Variants in SPTSSA observed in about 807,000 individuals in gnomAD.
The protein encoded by SPTSSA is small subunit of serine palmitoyltransferase A.
In SPTSSA, 8 loss-of-function variants were observed where a neutral mutation model predicts 9.1. That is an observed-to-expected ratio of 0.88 (90% confidence interval 0.51 to 1.58). The LOEUF (loss-of-function observed/expected upper bound fraction) is 1.58, where lower values mean the gene tolerates loss of function less well. Among genes scored for constraint, SPTSSA ranks in the 40% most tolerant of loss-of-function variants. The pLI is 0.00. For synonymous variants in SPTSSA, 42 were observed against 37.7 expected (o/e 1.11, Z -0.41); for missense variants, 100 against 93.8 (o/e 1.07, Z -0.27).
chr14:34,455,018 C>T (rs1000947633), intron 1 of SPTSSA, among the ~76,000 whole-genome samples: 4 of 151,324 alleles, frequency 2.6e-5, no homozygotes, highest in Non-Finnish European at 4.4e-5. Flanking sequence ...ACCCAGGAGG[C>T]GGAGGCTACA....
At chr14:34,440,795 C>T (rs1216150294) in intron 1 of SPTSSA, among the ~76,000 whole-genome samples, 1 of 152,004 alleles carries the variant, frequency 6.6e-6, no homozygotes, top group African/African-American at 2.4e-5. Context: ...GCAGGAGAAT[C>T]GCTTGAACCC....
At chr14:34,435,396 A>G (rs1031475226) in intron 1 of SPTSSA, 92 bp from the exon 2 acceptor site, 46 of 811,610 alleles carry the variant, frequency 5.7e-5, no homozygotes, top group Non-Finnish European at 8.4e-5. Flanking sequence ...TGAAGTACCC[A>G]TTCACTTAGT....
chr14:34,450,261 G>C (rs927961684), intron 1 of SPTSSA, among the ~76,000 whole-genome samples: 2 of 152,162 alleles, frequency 1.3e-5, no homozygotes, highest in African/African-American at 4.8e-5. Context: ...TTAATTTACA[G>C]TGTAATCCTG....
At chr14:34,447,135 A>C (rs1157043458) in intron 1 of SPTSSA, among the ~76,000 whole-genome samples, 1 of 151,078 alleles carries the variant, frequency 6.6e-6, no homozygotes, top group Non-Finnish European at 1.5e-5. Flanking sequence ...GAGGCAGGAG[A>C]ATCGCTTAAA....
chr14:34,435,622 TC>T (rs540888294), intron 1 of SPTSSA, among the ~76,000 whole-genome samples: 44 of 125,594 alleles, frequency 3.5e-4, no homozygotes, highest in Non-Finnish European at 7.0e-4. Flanking sequence ...TGTTTGTTTC[TC>T]TTTTTTTTTT....
intron 1 of SPTSSA, among the ~76,000 whole-genome samples, chr14:34,455,280 G>A (rs929897725): frequency 2.6e-5 from 4 of 151,994 alleles, no homozygotes; most frequent in Admixed American, 1.3e-4. Context: ...CCAGCTACTG[G>A]GGAGGCTGAT....
rs139952041 is a variant in SPTSSA at position 34,439,638 on chromosome 14, AAAC to A, written c.113-4337_113-4335del. On this transcript the variant is annotated intron_variant, in intron 1 of 1. Coordinates refer to ENST00000298130, the MANE Select transcript of SPTSSA (RefSeq NM_138288.4). The stretch of plus-strand genomic sequence containing the variant: ...GCAGTCATATTACAAGAGTCTCAGA[AAAC>A]AACATTATATATTTCCATACTGCTC... Among the ~76,000 whole-genome samples, 636 of 152,302 alleles carry A rather than the reference AAAC, an allele frequency of 4.2e-3. 8 individuals carry two copies. Among genetic ancestry groups the A allele is most frequent in the African/African-American group, 0.013 (527 of 41,564 alleles).
intron 1 of SPTSSA, among the ~76,000 whole-genome samples, chr14:34,443,684 C>T (rs1052915913): frequency 5.0e-4 from 76 of 151,974 alleles, no homozygotes; most frequent in South Asian, 2.1e-3. Flanking sequence ...TACAGGTGCC[C>T]GCCACCACAC....
chr14:34,459,477 A>G (rs1315411942), intron 1 of SPTSSA, among the ~76,000 whole-genome samples: 1 of 144,512 alleles, frequency 6.9e-6, no homozygotes, highest in Non-Finnish European at 1.5e-5. Context: ...AAAAAGAAAA[A>G]GAAAAAGAAG....
rs748777278 is a variant in SPTSSA, at chr14:34,462,217, G to A, written c.-10C>T. The stretch of plus-strand genomic sequence containing the variant: ...GCGCCATCCCCGCCATGCGCCTCCC[G>A]CGATGCAGCTCACACGTCAGTCTGT... On this transcript the variant is annotated 5_prime_UTR_variant, in exon 1 of 2. Coordinates refer to ENST00000298130, the MANE Select transcript of SPTSSA (RefSeq NM_138288.4). 2.0e-6 allele frequency: 3 copies of A among 1,517,260 alleles called. No individual in the cohort carries two copies. Among genetic ancestry groups the A allele is most frequent in the African/African-American group, 1.5e-5 (1 of 68,794 alleles). 94.0% of individuals were successfully genotyped at this position (1,517,260 alleles called of 1,614,324 possible). A position where few individuals can be genotyped will look rare whatever the true frequency, so the allele number is the denominator to read the frequency against.
intron 1 of SPTSSA, among the ~76,000 whole-genome samples, chr14:34,437,967 ATTTC>A (rs1485704954): frequency 2.0e-5 from 3 of 151,692 alleles, no homozygotes; most frequent in East Asian, 3.9e-4. Context: ...CGCCCAGCTG[ATTTC>A]TTTATTATTT....
intron 1 of SPTSSA, among the ~76,000 whole-genome samples, chr14:34,450,316 G>A (rs1280271480): frequency 6.6e-6 from 1 of 152,122 alleles, no homozygotes; most frequent in African/African-American, 2.4e-5. Context: ...ATAAAATGAG[G>A]TCCTTTCTTT....
At chr14:34,461,351 G>C (rs74975651) in intron 1 of SPTSSA, among the ~76,000 whole-genome samples, 1 of 152,186 alleles carries the variant, frequency 6.6e-6, no homozygotes, top group Non-Finnish European at 1.5e-5. Flanking sequence ...TTAAGATACA[G>C]ACAACGTGCT....
chr14:34,450,104 T>C (rs1883493863), intron 1 of SPTSSA, among the ~76,000 whole-genome samples: 1 of 152,178 alleles, frequency 6.6e-6, no homozygotes, highest in Non-Finnish European at 1.5e-5. Flanking sequence ...ACATCACCTA[T>C]CTTTCAGGGT....
At chr14:34,458,205 A>ATT (rs11379380) in intron 1 of SPTSSA, among the ~76,000 whole-genome samples, 318 of 150,994 alleles carry the variant, frequency 2.1e-3, no homozygotes, top group Non-Finnish European at 2.6e-3. Context: ...TTCAATTGAG[A>ATT]TTTTTTTTTC....
chr14:34,453,929 G>A (rs905073445), intron 1 of SPTSSA, among the ~76,000 whole-genome samples: 6 of 150,626 alleles, frequency 4.0e-5, no homozygotes, highest in Admixed American at 1.3e-4. Context: ...CCTGTAATCC[G>A]AGCACTTTGG....
intron 1 of SPTSSA, among the ~76,000 whole-genome samples, chr14:34,450,406 T>G (rs1883498394): frequency 6.6e-6 from 1 of 152,160 alleles, no homozygotes; most frequent in Non-Finnish European, 1.5e-5. Flanking sequence ...CAATCTTCTG[T>G]TTCACATGTA....
chr14:34,437,700 G>A (rs915507614), intron 1 of SPTSSA, among the ~76,000 whole-genome samples: 2 of 152,154 alleles, frequency 1.3e-5, no homozygotes, highest in Non-Finnish European at 2.9e-5. Flanking sequence ...ACTCAAGAAG[G>A]TGGCAGGACA....
chr14:34,454,658 G>A (rs537134135), intron 1 of SPTSSA, among the ~76,000 whole-genome samples: 24 of 152,294 alleles, frequency 1.6e-4, no homozygotes, highest in Admixed American at 7.2e-4. Flanking sequence ...AGGAGAATCC[G>A]GTTAAAGGTG....
Sources: gnomAD v4.1 joint callset for allele counts (sites outside exome capture counted in the v4.1 genomes callset) on GRCh38, gnomAD v4.1.1 for gene constraint, MANE v1.5 for transcripts, NCBI Gene and HGNC (gene_info 2026-07-23, HGNC 2026-07-21) for gene names.